The following NES variants were observed in gnomAD, a reference collection of about 807,000 sequenced individuals.
The protein encoded by NES is nestin.
NES carries 27 observed loss-of-function variants against 35.6 expected under a neutral mutation model. The ratio of observed to expected loss-of-function variants is 0.76; its 90% CI spans 0.56 to 1.04. NES has a LOEUF of 1.04. Among genes scored for constraint, NES ranks in the 50% least tolerant of loss-of-function variants. The probability of loss-of-function intolerance (pLI) is 0.00; values close to 1 mark genes in which losing one functional copy is unlikely to be tolerated. For synonymous variants in NES, 822 were observed against 824.2 expected (o/e 1.00, Z 0.04); for missense variants, 1,867 against 1,983.6 (o/e 0.94, Z 1.12).
rs1158111892 is a variant in NES, at chr1:156,672,377, C to A, written c.1811G>T (p.Arg604Ile). The change falls in exon 4 of 4, where the codon AGA (arginine) becomes ATA (isoleucine). Residue 604 changes from arginine to isoleucine, a missense_variant. Physicochemically the swap from Arg to Ile is moderately conservative, Grantham distance 97. Coordinates refer to ENST00000368223, the MANE Select transcript of NES (RefSeq NM_006617.2). ...KELLKDVEVVRPLEKEAVGQL... is the reference protein window; with the variant it reads ...KELLKDVEVVIPLEKEAVGQL... ...GCCTACAGCCTCTTTTTCTAGAGGT[C>A]TCACTACCTCCACATCCTTTAATAG... 6.2e-7 allele frequency: 1 copy of A among 1,613,074 alleles called. No individual in the cohort carries two copies. The highest frequency in any genetic ancestry group is 8.5e-7 in the Non-Finnish European group (1 of 1,179,744).
At position 156,670,069 on chromosome 1, in the gene NES, C is replaced by T. The variant is rs1347036347; in HGVS notation, c.4119G>A (p.Gly1373=). The T allele has an allele frequency of 1.4e-5, 22 of 1,614,056 alleles. No individual in the cohort carries two copies. The highest frequency in any genetic ancestry group is 1.9e-5 in the Non-Finnish European group (22 of 1,179,970). Residue 1373 remains glycine (G), a synonymous_variant, in exon 4 of 4, where the codon GGG becomes GGA. Coordinates refer to ENST00000368223, the MANE Select transcript of NES (RefSeq NM_006617.2). ...CCCCAGGAAGAAAAGGTGCCTCAGT[C>T]CCCAGGTCCTCAAATTCTTCTGACA... ...SDLSEEFEDL[G]TEAPFLPGVP...
Position 156,673,542 on chromosome 1 carries a change from G to A in NES, c.909-15C>T. 6.3e-7 allele frequency: 1 copy of A among 1,592,172 alleles called. No homozygotes were observed. The highest frequency in any genetic ancestry group is 8.6e-7 in the Non-Finnish European group (1 of 1,164,516). ...CCAGGAGGGTCCTGGAGAGGACAGA[G>A]GGAAAGTGGGGTCAGCCCTCTGCCC... On this transcript the variant is annotated splice_polypyrimidine_tract_variant and intron_variant, in intron 2 of 3. Coordinates refer to ENST00000368223, the MANE Select transcript of NES (RefSeq NM_006617.2).
chr1:156,674,366 A>C (rs998090774), intron 2 of NES, among the ~76,000 whole-genome samples: 3 of 152,172 alleles, frequency 2.0e-5, no homozygotes, highest in Admixed American at 6.5e-5. Context: ...TGTCCTTGCC[A>C]GTGCTGCGGC....
At position 156,676,481 on chromosome 1, in the gene NES, C is replaced by A; in HGVS notation, c.783+1G>T. 6.3e-7 allele frequency: 1 copy of A among 1,597,398 alleles called. No individual in the cohort carries two copies. The highest frequency in any genetic ancestry group is 1.1e-5 in the South Asian group (1 of 90,834). Reference sequence around the variant, plus strand: ...CTCACCCAGGCCCTCAACCTCCTCACCTGGAACTTTTCAGTAGCCCGCAGC... The same window carrying A: ...CTCACCCAGGCCCTCAACCTCCTCAACTGGAACTTTTCAGTAGCCCGCAGC... On this transcript the variant is annotated splice_donor_variant, in intron 1 of 3. Coordinates refer to ENST00000368223, the MANE Select transcript of NES (RefSeq NM_006617.2). LOFTEE classifies it high-confidence loss of function. The surrounding 1 kb of genome is among the most constrained non-coding windows in gnomAD (Gnocchi z 5.3).
At chr1:156,674,625 G>C (rs573149518) in intron 2 of NES, among the ~76,000 whole-genome samples, 1 of 152,292 alleles carries the variant, frequency 6.6e-6, no homozygotes, top group African/African-American at 2.4e-5. Context: ...ACCCCTCCTT[G>C]GTCTCAGCCA....
Position 156,670,418 on chromosome 1 carries a change from C to A in NES, c.3770G>T (p.Gly1257Val). ...WGVQGRAEAL[G>V]KVESEQEELG... ...CTCCTCCTGCTCGCTCTCTACTTTC[C>A]CCAGGGCTTCAGCCCTCCCCTGCAC... The change falls in exon 4 of 4, where the codon GGG (glycine) becomes GTG (valine). Residue 1257 changes from glycine (G) to valine (V), a missense_variant. Physicochemically the swap from Gly to Val is moderately radical, Grantham distance 109. Coordinates refer to ENST00000368223, the MANE Select transcript of NES (RefSeq NM_006617.2). 6.4e-7 allele frequency: 1 copy of A among 1,569,486 alleles called. No homozygotes were observed. The highest frequency in any genetic ancestry group is 1.2e-5 in the South Asian group (1 of 83,242).
rs148568870 is a variant in NES at position 156,669,523 on chromosome 1, G to T, written c.4665C>A (p.Asn1555Lys). 4.4e-4 allele frequency: 711 copies of T among 1,611,732 alleles called. No homozygotes were observed. The highest frequency in any genetic ancestry group is 5.7e-4 in the Non-Finnish European group (667 of 1,178,294). ...CCACTTCCTCAGACTGCTCCAGCCCGTTCATCACTCCCCCATTCACATGCT... is the reference window on the plus strand; with the variant it reads ...CCACTTCCTCAGACTGCTCCAGCCCTTTCATCACTCCCCCATTCACATGCT... ...KSQHVNGGVM[N>K]GLEQSEEVGQ... is the part of the protein sequence containing the mutation. Residue 1555 changes from asparagine (N) to lysine (K), a missense_variant, in exon 4 of 4, where the codon AAC (asparagine) becomes AAA (lysine). Physicochemically the swap from Asn to Lys is moderately conservative, Grantham distance 94. Coordinates refer to ENST00000368223, the MANE Select transcript of NES (RefSeq NM_006617.2).
In NES at chr1:156,669,914, T is replaced by C. The variant is rs1156825694; in HGVS notation, c.4274A>G (p.Asp1425Gly). 2.5e-6 allele frequency: 4 copies of C among 1,612,248 alleles called. No individual in the cohort carries two copies. In the Admixed American group the frequency reaches 5.0e-5, roughly 20 times the overall value. The change falls in exon 4 of 4, where the codon GAT becomes GGT. Residue 1425 changes from aspartate (D) to glycine (G), a missense_variant. By Grantham distance (94) the Asp-to-Gly change is moderately conservative. Coordinates refer to ENST00000368223, the MANE Select transcript of NES (RefSeq NM_006617.2). ...CCCTGGCTCCCTCCCCTCCTCCTGATCCTCCTCTCCCTCCTCCCCACTTTC... is the reference window on the plus strand; with the variant it reads ...CCCTGGCTCCCTCCCCTCCTCCTGACCCTCCTCTCCCTCCTCCCCACTTTC... Reference protein sequence around the residue: ...EEESGEEGEEDQEEGREPGAG... With the variant: ...EEESGEEGEEGQEEGREPGAG...
Position 156,669,831 on chromosome 1 carries a change from G to A in NES, c.4357C>T (p.Gln1453Ter). Reference sequence around the variant, plus strand: ...TCAGACTCCAGGAATTCCCCTCTCTGGGAGCTACTCAGGGCCTGGAGGCTG... The same window carrying A: ...TCAGACTCCAGGAATTCCCCTCTCTAGGAGCTACTCAGGGCCTGGAGGCTG... Reference protein sequence around the residue: ...VGSLQALSSSQRGEFLESDSV... With the variant: ...VGSLQALSSS Residue 1453 changes from glutamine (Q) to a stop codon, truncating the protein, a stop_gained, in exon 4 of 4, where the codon CAG becomes TAG. Transcript: ENST00000368223. LOFTEE classifies it low-confidence loss of function (END_TRUNC). 6.2e-7 allele frequency: 1 copy of A among 1,613,890 alleles called. No individual in the cohort carries two copies. The highest frequency in any genetic ancestry group is 8.5e-7 in the Non-Finnish European group (1 of 1,179,928).
Position 156,670,033 on chromosome 1 carries a change from C to G in NES, c.4155G>C (p.Glu1385Asp). 1 of 1,614,062 alleles carries G rather than the reference C, an allele frequency of 6.2e-7. No individual in the cohort carries two copies. The highest frequency in any genetic ancestry group is 8.5e-7 in the Non-Finnish European group (1 of 1,180,004). ...EAPFLPGVPG[E>D]VAEPLGQVPQ... ...GCACCTGGCCCAGAGGTTCTGCCAC[C>G]TCCCCAGGGACCCCAGGAAGAAAAG... The change falls in exon 4 of 4, where the codon GAG becomes GAC. Residue 1385 changes from glutamate (E) to aspartate (D), a missense_variant. Glu to Asp is a conservative substitution (Grantham distance 45). Transcript: ENST00000368223.
Position 156,672,594 on chromosome 1 carries a change from T to A in NES, c.1594A>T (p.Lys532Ter), listed in dbSNP as rs561908124. ...GGAACCTGGGAGTCCTGGATTTCCT[T>A]CCTGTTTAGATCCTCTTCTTCCCAT... is the stretch of plus-strand genomic sequence containing the variant. The part of the protein sequence containing the change: ...EIWEEEDLNR[K>*]EIQDSQVPLE... The change falls in exon 4 of 4, where the codon AAG becomes TAG. Residue 532 changes from lysine to a stop codon, truncating the protein, a stop_gained. Transcript: ENST00000368223. LOFTEE classifies it low-confidence loss of function (END_TRUNC). 1 of 1,613,790 alleles carries A rather than the reference T, an allele frequency of 6.2e-7. No individual in the cohort carries two copies. Among genetic ancestry groups the A allele is most frequent in the Non-Finnish European group, 8.5e-7 (1 of 1,179,966 alleles).
rs765521536 is a variant in NES, at chr1:156,670,591, G to A, written c.3597C>T (p.Ala1199=). The A allele has an allele frequency of 2.5e-6, 4 of 1,613,696 alleles. No individual in the cohort carries two copies. The highest frequency in any genetic ancestry group is 1.3e-5 in the African/African-American group (1 of 74,996). Residue 1199 remains alanine (A), a synonymous_variant, in exon 4 of 4, where the codon GCC becomes GCT. Transcript: ENST00000368223. The part of the protein sequence containing the change: ...AETLGHTGSD[A]PSPWPLGSEE... ...CTGACCCCAGAGGCCAAGGTGAAGGGGCATCACTTCCAGTGTGGCCCAGGG... is the reference window on the plus strand; with the variant it reads ...CTGACCCCAGAGGCCAAGGTGAAGGAGCATCACTTCCAGTGTGGCCCAGGG...
intron 2 of NES, among the ~76,000 whole-genome samples, chr1:156,674,943 C>T (rs764854050): frequency 6.6e-6 from 1 of 152,222 alleles, no homozygotes; most frequent in South Asian, 2.1e-4. Context: ...CACACGGGCC[C>T]AGCCCCTCTC....
chr1:156,670,238 C>CA lies in NES; in HGVS notation c.3949_3950insT (p.Gly1317ValfsTer27), dbSNP rs769519306. 38 of 1,613,360 alleles carry CA rather than the reference C, an allele frequency of 2.4e-5. No individual in the cohort carries two copies. Among genetic ancestry groups the CA allele is most frequent in the Admixed American group, 6.7e-5 (4 of 59,930 alleles). On this transcript the variant is annotated frameshift_variant, in exon 4 of 4. Transcript: ENST00000368223. LOFTEE classifies it low-confidence loss of function (END_TRUNC). Reference sequence around the variant, plus strand: ...CCCTTGAGGGGGTGGCCTCTGCTCTCCAGTGGGGTCCCACCTGGGGGAGGT... The same window carrying CA: ...CCCTTGAGGGGGTGGCCTCTGCTCTCACAGTGGGGTCCCACCTGGGGGAGGT...
rs376956080 is a variant in NES at position 156,672,519 on chromosome 1, G to A, written c.1669C>T (p.Leu557=). ...KSLGEEIQES[L]KTLENQSHET... is the part of the protein sequence containing the mutation. Reference sequence around the variant, plus strand: ...TGGCTCTGGTTTTCCAGAGTCTTCAGTGACTCTTGAATCTCCTCTCCCAGA... The same window carrying A: ...TGGCTCTGGTTTTCCAGAGTCTTCAATGACTCTTGAATCTCCTCTCCCAGA... Residue 557 remains leucine (L), a synonymous_variant, in exon 4 of 4, where the codon CTG becomes TTG. Transcript: ENST00000368223. The A allele has an allele frequency of 1.1e-5, 18 of 1,613,364 alleles. No individual in the cohort carries two copies. The highest frequency in any genetic ancestry group is 1.4e-5 in the Non-Finnish European group (16 of 1,179,684).
chr1:156,676,412 T>C lies in NES; in HGVS notation c.783+70A>G. The stretch of plus-strand genomic sequence containing the variant: ...AGCCCCACTCCCTTCCCAGAAGGTC[T>C]CTGAGCTTCATAAGGGACTTTCTGG... On this transcript the variant is annotated intron_variant, in intron 1 of 3. Coordinates refer to ENST00000368223, the MANE Select transcript of NES (RefSeq NM_006617.2). This position sits in a 1 kb window ranked among gnomAD's most constrained non-coding sequence, Gnocchi z 5.3. 6.6e-7 allele frequency: 1 copy of C among 1,516,954 alleles called. No homozygotes were observed. The highest frequency in any genetic ancestry group is 2.3e-5 in the East Asian group (1 of 43,680). 94.0% of individuals were successfully genotyped at this position (1,516,954 alleles called of 1,614,324 possible).
rs199744087 is a variant in NES, at chr1:156,669,458, C to A, written c.4730G>T (p.Ser1577Ile). The change falls in exon 4 of 4, where the codon AGC (serine) becomes ATC (isoleucine). Residue 1577 changes from serine to isoleucine, a missense_variant. Coordinates refer to ENST00000368223, the MANE Select transcript of NES (RefSeq NM_006617.2). ...ACTCCCCTCCTCCTCCTGAAAGGGG[C>A]TCCCTCGGTCTCCCTCAGAGACTAG... ...MPLVSEGDRGSPFQEEEGSAL... is the reference protein window; with the variant it reads ...MPLVSEGDRGIPFQEEEGSAL... 1.2e-6 allele frequency: 2 copies of A among 1,613,850 alleles called. No individual in the cohort carries two copies. The highest frequency in any genetic ancestry group is 1.3e-5 in the African/African-American group (1 of 74,994).
rs1679676946 is a variant in NES at position 156,669,966 on chromosome 1, C to T, written c.4222G>A (p.Glu1408Lys). Reference protein sequence around the residue: ...LDPAAWDRDGESDGFADEEES... With the variant: ...LDPAAWDRDGKSDGFADEEES... ...TCCTCATCTGCAAACCCATCGGACTCCCCATCTCGATCCCAGGCTGCAGGA... is the reference window on the plus strand; with the variant it reads ...TCCTCATCTGCAAACCCATCGGACTTCCCATCTCGATCCCAGGCTGCAGGA... Residue 1408 changes from glutamate (E) to lysine (K), a missense_variant, in exon 4 of 4, where the codon GAG (glutamate) becomes AAG (lysine). Physicochemically the swap from Glu to Lys is moderately conservative, Grantham distance 56. Transcript: ENST00000368223. 5 of 1,613,718 alleles carry T rather than the reference C, an allele frequency of 3.1e-6. No individual in the cohort carries two copies. In the East Asian group the frequency reaches 1.1e-4, roughly 36 times the overall value.
chr1:156,675,118 TGCCATCACCTACACCTCTGGTC>T, intron 2 of NES, 76 bp downstream of exon 2: 1 of 1,447,354 alleles, frequency 6.9e-7, no homozygotes, highest in Non-Finnish European at 9.4e-7. Flanking sequence ...GCAGCAGAGT[TGCCATCACCTACACCTCTGGTC>T]CCCTTCAGCC....
Sources: allele counts gnomAD v4.1 joint callset (sites outside exome capture counted in the v4.1 genomes callset), GRCh38; gene constraint gnomAD v4.1.1; non-coding constraint Gnocchi (gnomAD v3.1); transcripts MANE v1.5; gene names NCBI Gene and HGNC (gene_info 2026-07-23, HGNC 2026-07-21).